SLC35D4: variants seen among roughly 807,000 people sequenced by gnomAD.
SLC35D4 encodes solute carrier family 35 member D4, also known as UDP-N-acetylglucosamine transporter SLC35D4.
the SLC35D4 span, among the ~76,000 whole-genome samples, chr18:23,385,778 A>G: frequency 6.6e-6 from 1 of 152,120 alleles, no homozygotes; most frequent in East Asian, 1.9e-4. Flanking sequence ...CTTGGGCTGC[A>G]GGGTGGAAGA....
At chr18:23,374,324 C>T in the SLC35D4 span, among the ~76,000 whole-genome samples, 15 of 152,262 alleles carry the variant, frequency 9.9e-5, no homozygotes, top group East Asian at 2.9e-3. Flanking sequence ...GCCAAACATG[C>T]AGAGCGTGGA....
At chr18:23,324,988 C>T in the SLC35D4 span, among the ~76,000 whole-genome samples, 3 of 152,142 alleles carry the variant, frequency 2.0e-5, no homozygotes, top group East Asian at 3.9e-4. Context: ...GAAGATTAGG[C>T]ATGCAGTTTT....
the SLC35D4 span, among the ~76,000 whole-genome samples, chr18:23,396,400 G>A: frequency 1.3e-5 from 2 of 152,150 alleles, no homozygotes; most frequent in African/African-American, 4.8e-5. Flanking sequence ...CTGTACAAGT[G>A]CCTCATGTTT....
the SLC35D4 span, among the ~76,000 whole-genome samples, chr18:23,408,069 A>G: frequency 6.6e-6 from 1 of 151,970 alleles, no homozygotes; most frequent in Non-Finnish European, 1.5e-5. Flanking sequence ...ACAGAATCAG[A>G]TCTCTGCCTA....
At chr18:23,366,622 G>A in the SLC35D4 span, among the ~76,000 whole-genome samples, 2 of 152,178 alleles carry the variant, frequency 1.3e-5, no homozygotes, top group Non-Finnish European at 2.9e-5. Context: ...ACCACCACAA[G>A]GAATCCCTAG....
chr18:23,322,386 A>G, the SLC35D4 span, among the ~76,000 whole-genome samples: 1 of 152,138 alleles, frequency 6.6e-6, no homozygotes, highest in Non-Finnish European at 1.5e-5. Flanking sequence ...CCGAGAAAGG[A>G]GGTGGAGTGG....
At chr18:23,288,558 CCG>C in the SLC35D4 span, among the ~76,000 whole-genome samples, 1 of 151,830 alleles carries the variant, frequency 6.6e-6, no homozygotes, top group African/African-American at 2.4e-5. Context: ...ATTTGCCCCC[CCG>C]CCCCAGGACT....
At chr18:23,293,296 T>C in the SLC35D4 span, among the ~76,000 whole-genome samples, 1 of 152,104 alleles carries the variant, frequency 6.6e-6, no homozygotes, top group Non-Finnish European at 1.5e-5. Flanking sequence ...CCAACAGACA[T>C]ATCATGGGAG....
At chr18:23,287,944 T>A in the SLC35D4 span, among the ~76,000 whole-genome samples, 3 of 152,330 alleles carry the variant, frequency 2.0e-5, no homozygotes, top group East Asian at 3.9e-4. Flanking sequence ...TAGAGGCCCT[T>A]AAAATCACAA....
chr18:23,341,499 T>C, the SLC35D4 span, among the ~76,000 whole-genome samples: 1 of 152,222 alleles, frequency 6.6e-6, no homozygotes, highest in African/African-American at 2.4e-5. Context: ...CCTCCCTGTG[T>C]ATTTTTTAGT....
the SLC35D4 span, among the ~76,000 whole-genome samples, chr18:23,324,233 A>G: frequency 6.6e-6 from 1 of 152,086 alleles, no homozygotes; most frequent in Admixed American, 6.6e-5. Context: ...CCCAGGAGGG[A>G]GCTCTCACAC....
chr18:23,386,879 A>T, the SLC35D4 span, among the ~76,000 whole-genome samples: 1 of 151,910 alleles, frequency 6.6e-6, no homozygotes, highest in African/African-American at 2.4e-5. Flanking sequence ...GAGGGGGGAG[A>T]ATGAGGAGGA....
At chr18:23,268,617 CT>C in the SLC35D4 span, among the ~76,000 whole-genome samples, 1 of 152,002 alleles carries the variant, frequency 6.6e-6, no homozygotes, top group Non-Finnish European at 1.5e-5. Flanking sequence ...GATGCTGCTC[CT>C]AGCAGGGCTT....
At chr18:23,352,339 C>T in the SLC35D4 span, 4 of 1,447,038 alleles carry the variant, frequency 2.8e-6, no homozygotes, top group Non-Finnish European at 3.8e-6. Flanking sequence ...TTCCCTTAGC[C>T]AATGGCTGAC....
At chr18:23,265,265 G>A in the SLC35D4 span, among the ~76,000 whole-genome samples, 1 of 152,158 alleles carries the variant, frequency 6.6e-6, no homozygotes, top group Non-Finnish European at 1.5e-5. Flanking sequence ...GTGTTCCACG[G>A]CCCAGCCTCC....
the SLC35D4 span, chr18:23,437,956 A>C: frequency 2.3e-6 from 3 of 1,287,580 alleles, no homozygotes; most frequent in South Asian, 1.3e-5. Context: ...GCAGCCGCCC[A>C]GAGACGGCCA....
the SLC35D4 span, chr18:23,331,093 CG>C: frequency 6.6e-6 from 1 of 152,274 alleles, no homozygotes; most frequent in African/African-American, 2.4e-5. Context: ...GGCAGAGCCC[CG>C]GAACAGCGGT....
At chr18:23,335,736 C>A in the SLC35D4 span, among the ~76,000 whole-genome samples, 1 of 152,176 alleles carries the variant, frequency 6.6e-6, no homozygotes, top group Non-Finnish European at 1.5e-5. Context: ...TTATTGGACA[C>A]CATACTACAA....
At chr18:23,253,860 G>A in the SLC35D4 span, 2 of 1,614,234 alleles carry the variant, frequency 1.2e-6, no homozygotes, top group Non-Finnish European at 1.7e-6. Context: ...CGGAAGCTGT[G>A]TGCTGGGGCA....
Sources: allele counts gnomAD v4.1 joint callset (sites outside exome capture counted in the v4.1 genomes callset), GRCh38; gene constraint gnomAD v4.1.1; transcripts MANE v1.5; gene names NCBI Gene and HGNC (gene_info 2026-07-23, HGNC 2026-07-21).